RXFP1: variants seen among roughly 807,000 people sequenced by gnomAD.
RXFP1 encodes the protein relaxin family peptide receptor 1, also known as relaxin receptor 1.
RXFP1 carries 73 observed loss-of-function variants against 89.8 expected under a neutral mutation model. The observed-to-expected ratio is 0.81, with a 90% confidence interval of 0.67 to 0.99. The LOEUF (loss-of-function observed/expected upper bound fraction) is 0.99, where lower values mean the gene tolerates loss of function less well. Among genes scored for constraint, RXFP1 ranks in the 50% least tolerant of loss-of-function variants. The probability of loss-of-function intolerance (pLI) is 0.00; values close to 1 mark genes in which losing one functional copy is unlikely to be tolerated. For synonymous variants in RXFP1, 277 were observed against 305.5 expected (o/e 0.91, Z 0.97); for missense variants, 793 against 895.5 (o/e 0.89, Z 1.46).
intron 3 of RXFP1, among the ~76,000 whole-genome samples, chr4:158,595,974 A>C (rs12501345): frequency 0.22 from 32,923 of 149,192 alleles, 5,333 homozygotes; most frequent in African/African-American, 0.46. Context: ...CATAGTGAGA[A>C]CCCAATCTCT....
At chr4:158,616,303 T>C (rs1764554811) in intron 8 of RXFP1, among the ~76,000 whole-genome samples, 1 of 151,422 alleles carries the variant, frequency 6.6e-6, no homozygotes, top group Non-Finnish European at 1.5e-5. Flanking sequence ...GTGGCAGGCG[T>C]CTGTAATCCC....
At chr4:158,577,406 G>A (rs1756479746) in intron 2 of RXFP1, among the ~76,000 whole-genome samples, 3 of 152,046 alleles carry the variant, frequency 2.0e-5, no homozygotes, top group Non-Finnish European at 4.4e-5. Context: ...TCAGAAAGTT[G>A]CTTCTTTTCA....
chr4:158,598,038 A>G (rs974483440), intron 3 of RXFP1, among the ~76,000 whole-genome samples: 3 of 152,148 alleles, frequency 2.0e-5, no homozygotes, highest in African/African-American at 4.8e-5. Flanking sequence ...GGAGAGGAAG[A>G]ACACATGTCA....
At chr4:158,527,376 C>G (rs1041743101) in intron 1 of RXFP1, among the ~76,000 whole-genome samples, 2 of 151,378 alleles carry the variant, frequency 1.3e-5, no homozygotes, top group African/African-American at 4.9e-5. Context: ...AACCCCGTCT[C>G]TACTAAAAAT....
chr4:158,637,512 C>G (rs563672083), intron 12 of RXFP1, among the ~76,000 whole-genome samples: 24 of 152,208 alleles, frequency 1.6e-4, no homozygotes, highest in Non-Finnish European at 4.4e-5. Context: ...TTTTCATATA[C>G]CTGTTAGTCA....
chr4:158,523,432 GA>G (rs1245389929), intron 1 of RXFP1, among the ~76,000 whole-genome samples: 2 of 151,994 alleles, frequency 1.3e-5, no homozygotes, highest in African/African-American at 2.4e-5. Context: ...TTCAGGTTAG[GA>G]AAAAAATTCC....
At chr4:158,550,275 T>C (rs1254269074) in intron 1 of RXFP1, among the ~76,000 whole-genome samples, 1 of 152,268 alleles carries the variant, frequency 6.6e-6, no homozygotes, top group East Asian at 1.9e-4. Context: ...AATCTCCTGG[T>C]GTGCCATTTT....
rs1170537757 is a variant in RXFP1, at chr4:158,550,901, G to A, written c.50-21797G>A. Among the ~76,000 whole-genome samples the A allele has an allele frequency of 2.0e-5, 3 of 151,720 alleles. No homozygotes were observed. In the East Asian group the frequency reaches 5.8e-4, roughly 29 times the overall value. On this transcript the variant is annotated intron_variant, in intron 1 of 17. Transcript: ENST00000307765. ...ATAATATTAGAACTTATTTAATGGAGTTTTATGAAGATAAAGTGAAACAAG... is the reference window on the plus strand; with the variant it reads ...ATAATATTAGAACTTATTTAATGGAATTTTATGAAGATAAAGTGAAACAAG...
At chr4:158,616,649 ATAAT>A in intron 8 of RXFP1, among the ~76,000 whole-genome samples, 1 of 148,940 alleles carries the variant, frequency 6.7e-6, no homozygotes, top group South Asian at 2.1e-4. Flanking sequence ...GTATTTACAT[ATAAT>A]TAGATTATAA....
chr4:158,639,966 T>A (rs888253194), intron 14 of RXFP1, among the ~76,000 whole-genome samples: 2 of 152,174 alleles, frequency 1.3e-5, no homozygotes, highest in Non-Finnish European at 2.9e-5. Flanking sequence ...TGTGGTCCCC[T>A]ACCAGACACT....
chr4:158,548,831 C>G (rs977002526), intron 1 of RXFP1, among the ~76,000 whole-genome samples: 12 of 152,190 alleles, frequency 7.9e-5, no homozygotes, highest in African/African-American at 2.4e-4. Flanking sequence ...CTGTTAGTCT[C>G]ATGAGCTTCC....
chr4:158,578,075 A>G (rs1188492919), intron 2 of RXFP1, among the ~76,000 whole-genome samples: 1 of 152,234 alleles, frequency 6.6e-6, no homozygotes, highest in African/African-American at 2.4e-5. Flanking sequence ...TATTTACACA[A>G]TATGGAATTT....
chr4:158,639,874 AG>A (rs1770026630), intron 14 of RXFP1, among the ~76,000 whole-genome samples: 1 of 152,108 alleles, frequency 6.6e-6, no homozygotes, highest in South Asian at 2.1e-4. Flanking sequence ...AGAAAAAAAA[AG>A]AAAAGAAAAG....
At chr4:158,607,301 A>G (rs1362475087) in intron 5 of RXFP1, among the ~76,000 whole-genome samples, 1 of 151,060 alleles carries the variant, frequency 6.6e-6, no homozygotes, top group African/African-American at 2.5e-5. Context: ...TCTAATTTAT[A>G]TTCTTCTAGT....
At chr4:158,535,239 C>G (rs1745028919) in intron 1 of RXFP1, among the ~76,000 whole-genome samples, 1 of 152,084 alleles carries the variant, frequency 6.6e-6, no homozygotes, top group Non-Finnish European at 1.5e-5. Context: ...AGGGCTGAAG[C>G]AGATGCTTGG....
chr4:158,568,165 A>G (rs1005546198), intron 1 of RXFP1, among the ~76,000 whole-genome samples: 2 of 152,194 alleles, frequency 1.3e-5, no homozygotes, highest in South Asian at 2.1e-4. Context: ...AAGAAACTCC[A>G]AACAAATCCG....
At chr4:158,552,534 T>G (rs1357799254) in intron 1 of RXFP1, among the ~76,000 whole-genome samples, 4 of 152,154 alleles carry the variant, frequency 2.6e-5, no homozygotes. Context: ...TCTCGTCTTG[T>G]TTTAGGCCCT....
intron 5 of RXFP1, among the ~76,000 whole-genome samples, chr4:158,605,540 TTTCAAA>T (rs1050085002): frequency 2.6e-5 from 4 of 152,200 alleles, no homozygotes; most frequent in African/African-American, 9.6e-5. Flanking sequence ...TTCCATGTGT[TTTCAAA>T]TTCATTATCC....
chr4:158,628,368 T>A (rs1767335060), intron 10 of RXFP1, among the ~76,000 whole-genome samples: 1 of 152,178 alleles, frequency 6.6e-6, no homozygotes, highest in Non-Finnish European at 1.5e-5. Context: ...CAGTCTGTAT[T>A]CTCAAAAGTT....
Sources: gnomAD v4.1 joint callset for allele counts (sites outside exome capture counted in the v4.1 genomes callset) on GRCh38, gnomAD v4.1.1 for gene constraint, MANE v1.5 for transcripts, NCBI Gene and HGNC (gene_info 2026-07-23, HGNC 2026-07-21) for gene names.